The following SIL1 variants were observed in gnomAD, a reference collection of about 807,000 sequenced individuals.
SIL1 encodes nucleotide exchange factor SIL1.
SIL1 carries 40 observed loss-of-function variants against 49.1 expected under a neutral mutation model. The observed-to-expected ratio is 0.81, with a 90% CI of 0.63 to 1.06. The LOEUF is 1.06. Among genes scored for constraint, SIL1 ranks in the 50% least tolerant of loss-of-function variants. The pLI is 0.00. For synonymous variants in SIL1, 253 were observed against 250.8 expected (o/e 1.01, Z -0.08); for missense variants, 500 against 572.6 (o/e 0.87, Z 1.29).
Position 139,121,072 on chromosome 5 carries a change from C to T in SIL1, c.207G>A (p.Val69=), listed in dbSNP as rs753736781. 6.2e-7 allele frequency: 1 copy of T among 1,614,186 alleles called. No individual in the cohort carries two copies. Among genetic ancestry groups the T allele is most frequent in the Non-Finnish European group, 8.5e-7 (1 of 1,180,052 alleles). Residue 69 remains valine (V), a synonymous_variant, in exon 3 of 10, where the codon GTG becomes GTA. Transcript: ENST00000394817. ...CCTGCCACTCATGCGTCGGGTGGAA[C>T]ACCTCCAGGACTTCGGCATCCAGCT... ...EEELDAEVLE[V]FHPTHEWQAL...
At chr5:139,161,023 C>T (rs1486622224) in intron 1 of SIL1, among the ~76,000 whole-genome samples, 2 of 152,086 alleles carry the variant, frequency 1.3e-5, no homozygotes, top group Non-Finnish European at 2.9e-5. Flanking sequence ...GCGGGTGGAT[C>T]ACCTGAGGTC....
At chr5:139,049,612 G>C (rs1404722346) in intron 4 of SIL1, among the ~76,000 whole-genome samples, 1 of 152,042 alleles carries the variant, frequency 6.6e-6, no homozygotes, top group African/African-American at 2.4e-5. Context: ...AATAAAGTGA[G>C]ACCCTGTCTC....
chr5:138,978,504 T>C (rs1043481928), intron 7 of SIL1, among the ~76,000 whole-genome samples: 2 of 152,252 alleles, frequency 1.3e-5, no homozygotes, highest in Non-Finnish European at 2.9e-5. Flanking sequence ...TGCACATTCA[T>C]GTACAAGTTT....
At chr5:139,144,344 A>C (rs1751151362) in intron 1 of SIL1, among the ~76,000 whole-genome samples, 1 of 152,114 alleles carries the variant, frequency 6.6e-6, no homozygotes, top group African/African-American at 2.4e-5. Flanking sequence ...AAAAACAAAA[A>C]ACAGCAAAGT....
At chr5:139,171,993 G>T (rs1361139555) in intron 1 of SIL1, among the ~76,000 whole-genome samples, 1 of 152,134 alleles carries the variant, frequency 6.6e-6, no homozygotes, top group Non-Finnish European at 1.5e-5. Flanking sequence ...TTCAAAGGCA[G>T]ATTTGAGCAA....
intron 1 of SIL1, chr5:139,131,558 T>C (rs561068403): frequency 3.9e-5 from 6 of 152,294 alleles, no homozygotes; most frequent in South Asian, 2.1e-4. Flanking sequence ...AAATAGCTGC[T>C]ACACTCACCC....
At chr5:138,978,922 G>C (rs1335700137) in intron 7 of SIL1, among the ~76,000 whole-genome samples, 2 of 151,978 alleles carry the variant, frequency 1.3e-5, no homozygotes, top group Non-Finnish European at 2.9e-5. Flanking sequence ...CTGTTGCTGA[G>C]TTGCAAACAT....
At chr5:139,190,805 C>T (rs1165703559) in intron 1 of SIL1, among the ~76,000 whole-genome samples, 1 of 152,182 alleles carries the variant, frequency 6.6e-6, no homozygotes, top group Non-Finnish European at 1.5e-5. Context: ...ATAAAGATCT[C>T]TATAATATCT....
At chr5:138,953,154 A>T (rs1395263301) in intron 7 of SIL1, among the ~76,000 whole-genome samples, 1 of 152,262 alleles carries the variant, frequency 6.6e-6, no homozygotes, top group Non-Finnish European at 1.5e-5. Flanking sequence ...TGCCCTTGGC[A>T]TGACCACAAG....
chr5:139,003,438 G>A (rs1768035561), intron 7 of SIL1, among the ~76,000 whole-genome samples: 1 of 152,192 alleles, frequency 6.6e-6, no homozygotes, highest in Non-Finnish European at 1.5e-5. Flanking sequence ...GACGTCTTAT[G>A]TGAGATAACA....
intron 7 of SIL1, among the ~76,000 whole-genome samples, chr5:138,983,903 C>T (rs1767590505): frequency 6.6e-6 from 1 of 152,158 alleles, no homozygotes; most frequent in Non-Finnish European, 1.5e-5. Flanking sequence ...ACATACCCTG[C>T]CCACAGCTCT....
At chr5:139,067,414 C>T (rs1333753815) in intron 3 of SIL1, among the ~76,000 whole-genome samples, 1 of 152,160 alleles carries the variant, frequency 6.6e-6, no homozygotes, top group Non-Finnish European at 1.5e-5. Flanking sequence ...CCTCTGATAA[C>T]AGGATTTGAT....
At chr5:139,152,466 C>A (rs540378952) in intron 1 of SIL1, among the ~76,000 whole-genome samples, 28 of 151,544 alleles carry the variant, frequency 1.8e-4, no homozygotes, top group African/African-American at 4.9e-4. Context: ...ACTAAAAATA[C>A]AAAAATTAGC....
intron 1 of SIL1, among the ~76,000 whole-genome samples, chr5:139,169,861 C>CCCTCTTTCCCCGGTCTCCCTCTG (rs1751704201): frequency 1.3e-5 from 2 of 149,764 alleles, no homozygotes; most frequent in Non-Finnish European, 3.0e-5. Context: ...GTCTCCCTCT[C>CCCTCTTTCCCCGGTCTCCCTCTG]CCTCTTTCCA....
intron 1 of SIL1, among the ~76,000 whole-genome samples, chr5:139,165,358 G>GT (rs939713297): frequency 6.4e-4 from 97 of 152,078 alleles, no homozygotes; most frequent in East Asian, 2.1e-3. Flanking sequence ...TTGTTTGTTT[G>GT]TTTTTTTGAG....
chr5:139,056,785 C>T (rs554896490), intron 3 of SIL1, among the ~76,000 whole-genome samples: 166 of 152,112 alleles, frequency 1.1e-3, no homozygotes, highest in African/African-American at 3.7e-3. Flanking sequence ...TGAGGAGCCC[C>T]TCTGCCCGGC....
intron 1 of SIL1, among the ~76,000 whole-genome samples, chr5:139,170,581 C>T (rs1219995647): frequency 3.0e-4 from 45 of 150,516 alleles, no homozygotes; most frequent in African/African-American, 1.1e-3. Flanking sequence ...AGGTGAGGAG[C>T]GTCTCTGCCC....
chr5:138,948,066 G>T lies in SIL1; in HGVS notation c.1030-593C>A, dbSNP rs1362948048. On this transcript the variant is annotated intron_variant, in intron 9 of 9. Coordinates refer to ENST00000394817, the MANE Select transcript of SIL1 (RefSeq NM_022464.5). The surrounding 1 kb of genome is among the most constrained non-coding windows in gnomAD (Gnocchi z 4.8). ...AGGTAGAGGGTTGGGAGGGGGCAGA[G>T]ATCTCCCGTGCAGCTGTAGGAAGTG... 6.6e-6 allele frequency among the ~76,000 whole-genome samples: 1 copy of T among 152,232 alleles called. No homozygotes were observed. Among genetic ancestry groups the T allele is most frequent in the Non-Finnish European group, 1.5e-5 (1 of 68,048 alleles).
intron 7 of SIL1, among the ~76,000 whole-genome samples, chr5:138,952,685 A>C (rs1766809979): frequency 6.6e-6 from 1 of 152,252 alleles, no homozygotes; most frequent in Non-Finnish European, 1.5e-5. Context: ...TAAAGTACTC[A>C]AAACCCTGAG....
Sources: gnomAD v4.1 joint callset for allele counts (sites outside exome capture counted in the v4.1 genomes callset) on GRCh38, gnomAD v4.1.1 for gene constraint, Gnocchi (gnomAD v3.1) non-coding constraint, MANE v1.5 for transcripts, NCBI Gene and HGNC (gene_info 2026-07-23, HGNC 2026-07-21) for gene names.